Variants in C16orf96 observed in about 807,000 individuals in gnomAD.
C16orf96 encodes the protein uncharacterized protein C16orf96.
In C16orf96, 108 loss-of-function variants were observed where a neutral mutation model predicts 103.6. The ratio of observed to expected loss-of-function variants is 1.04; its 90% CI spans 0.89 to 1.22. C16orf96 has a LOEUF of 1.22. C16orf96 is among the 50% of genes most tolerant of loss of function. C16orf96 has a pLI of 0.00. For missense variants in C16orf96, 1,586 were observed against 1,464.2 expected (o/e 1.08, Z -1.36); for synonymous variants, 566 against 593.5 (o/e 0.95, Z 0.67).
intron 1 of C16orf96, among the ~76,000 whole-genome samples, chr16:4,566,496 A>G (rs1036209593): frequency 5.9e-5 from 9 of 152,126 alleles, no homozygotes; most frequent in African/African-American, 1.7e-4. Flanking sequence ...AGAAATGTCT[A>G]TTCAGATCTT....
rs1438443456 is a variant in C16orf96 at position 4,593,777 on chromosome 16, C to A, written c.2867+461C>A. On this transcript the variant is annotated intron_variant, in intron 12 of 15. Transcript: ENST00000444310. This position sits in a 1 kb window ranked among gnomAD's most constrained non-coding sequence, Gnocchi z 4.2. ...TGTATCCTGGTACCATCCCATGTCA[C>A]AGTTGAAGAAACTGAGGCTCAGAGA... Among the ~76,000 whole-genome samples the A allele has an allele frequency of 6.6e-6, 1 of 152,156 alleles. No individual in the cohort carries two copies. Among genetic ancestry groups the A allele is most frequent in the South Asian group, 2.1e-4 (1 of 4,828 alleles).
At chr16:4,562,359 A>G (rs983861602) in intron 1 of C16orf96, among the ~76,000 whole-genome samples, 3 of 151,764 alleles carry the variant, frequency 2.0e-5, no homozygotes, top group African/African-American at 7.3e-5. Context: ...CTGTAGTCCC[A>G]GGTACTCAGG....
the C16orf96 span, among the ~76,000 whole-genome samples, chr16:4,539,793 C>G: frequency 5.3e-4 from 80 of 152,252 alleles, 1 homozygote; most frequent in Admixed American, 3.9e-3. Flanking sequence ...TATTGTAAAA[C>G]CTAAGATTGG....
In C16orf96 at chr16:4,599,452, G is replaced by A. The variant is rs905520439; in HGVS notation, c.3208+88G>A. On this transcript the variant is annotated intron_variant, in intron 15 of 15. Coordinates refer to ENST00000444310, the MANE Select transcript of C16orf96 (RefSeq NM_001145011.2). ...CGTCTCATCCCATCCCCCACACCCC[G>A]CCTGGGCTCTCCTGTCCACCTCCTC... 73 of 1,179,834 alleles carry A rather than the reference G, an allele frequency of 6.2e-5. 1 individual carries two copies. Among genetic ancestry groups the A allele is most frequent in the Admixed American group, 1.8e-4 (9 of 49,908 alleles). 73.1% of individuals were successfully genotyped at this position (1,179,834 alleles called of 1,614,324 possible).
rs116990836 is a variant in C16orf96, at chr16:4,589,454, C to A, written c.2592+1123C>A. On this transcript the variant is annotated intron_variant, in intron 9 of 15. Coordinates refer to ENST00000444310, the MANE Select transcript of C16orf96 (RefSeq NM_001145011.2). ...AAAAGCCAGGTGTGGTGGCACATAC[C>A]TGCATTTCCAACTACTCAGGAGGCT... Among the ~76,000 whole-genome samples, 706 of 151,522 alleles carry A rather than the reference C, an allele frequency of 4.7e-3. 4 individuals are homozygous for A. Among genetic ancestry groups the A allele is most frequent in the Non-Finnish European group, 8.2e-3 (554 of 67,912 alleles).
At chr16:4,555,346 C>T (rs1392537110), upstream of C16orf96, among the ~76,000 whole-genome samples, 3 of 151,072 alleles carry the variant, frequency 2.0e-5, no homozygotes, top group Non-Finnish European at 4.4e-5. Context: ...CCTTTGGATG[C>T]GTCCAGAAAT....
chr16:4,564,494 G>C (rs554175630), intron 1 of C16orf96, among the ~76,000 whole-genome samples: 1 of 152,252 alleles, frequency 6.6e-6, no homozygotes, highest in African/African-American at 2.4e-5. Context: ...TATTGTACAG[G>C]TTAAAATGAT....
intron 7 of C16orf96, among the ~76,000 whole-genome samples, chr16:4,586,209 G>T (rs532520043): frequency 6.6e-6 from 1 of 152,162 alleles, no homozygotes; most frequent in African/African-American, 2.4e-5. Context: ...GCAGTGAGCC[G>T]AAATGGCGCC....
At chr16:4,547,685 CTTCCTTCTTTCT>C in the C16orf96 span, among the ~76,000 whole-genome samples, 349 of 107,726 alleles carry the variant, frequency 3.2e-3, no homozygotes, top group East Asian at 5.0e-3. Context: ...TCCTTCCTTC[CTTCCTTCTTTCT>C]TTCTTTCTTT....
At position 4,574,080 on chromosome 16, in the gene C16orf96, G is replaced by A. The variant is rs554179401; in HGVS notation, c.526-629G>A. Among the ~76,000 whole-genome samples, 107 of 152,184 alleles carry A rather than the reference G, an allele frequency of 7.0e-4. 1 individual carries two copies. The highest frequency in any genetic ancestry group is 1.2e-3 in the Non-Finnish European group (79 of 67,998). ...GAACTCCTGAACTCATGATCCACCC[G>A]CCTCAGCATCCCAAAGTGCTGGGAT... On this transcript the variant is annotated intron_variant, in intron 2 of 15. Coordinates refer to ENST00000444310, the MANE Select transcript of C16orf96 (RefSeq NM_001145011.2).
upstream of C16orf96, among the ~76,000 whole-genome samples, chr16:4,554,467 C>T (rs943471162): frequency 2.0e-5 from 3 of 151,890 alleles, no homozygotes; most frequent in Admixed American, 2.0e-4. Context: ...TCTTCTGCCT[C>T]AGCCTCCCGA....
intron 2 of C16orf96, among the ~76,000 whole-genome samples, chr16:4,573,344 C>T (rs1309029946): frequency 6.7e-6 from 1 of 149,724 alleles, no homozygotes; most frequent in Non-Finnish European, 1.5e-5. Flanking sequence ...GAGGCTGAGG[C>T]ACGAGAATCA....
At position 4,578,988 on chromosome 16, in the gene C16orf96, A is replaced by AG; in HGVS notation, c.2205dup (p.Lys736GlufsTer10). 2 of 1,551,514 alleles carry AG rather than the reference A, an allele frequency of 1.3e-6. No individual in the cohort carries two copies. Among genetic ancestry groups the AG allele is most frequent in the Non-Finnish European group, 1.7e-6 (2 of 1,146,918 alleles). On this transcript the variant is annotated frameshift_variant, in exon 6 of 16. Transcript: ENST00000444310. LOFTEE classifies it high-confidence loss of function. ...CTCGGGACAACAGTGGACATATTGC[A>AG]GAAAAAGATTGGCAGCCTCCAGAAA...
the C16orf96 span, among the ~76,000 whole-genome samples, chr16:4,542,832 T>C: frequency 1.3e-5 from 2 of 152,210 alleles, no homozygotes; most frequent in African/African-American, 4.8e-5. Flanking sequence ...TTTACTCTTT[T>C]TTCACACTGT....
chr16:4,575,783 C>T lies in C16orf96; in HGVS notation c.1303C>T (p.Pro435Ser), dbSNP rs1387647689. 3.9e-6 allele frequency: 6 copies of T among 1,550,498 alleles called. No homozygotes were observed. The South Asian group carries it at 6.0e-5, about 15-fold the overall frequency. Residue 435 changes from proline (P) to serine (S), a missense_variant, in exon 5 of 16, where the codon CCT becomes TCT. Pro to Ser is a moderately conservative substitution (Grantham distance 74). Coordinates refer to ENST00000444310, the MANE Select transcript of C16orf96 (RefSeq NM_001145011.2). ...AGCCACTGAGTTTGGCTCATTGTGG[C>T]CTCGACCACTCCAGCCATATCAGTC... is the stretch of plus-strand genomic sequence containing the variant. ...PPATEFGSLW[P>S]RPLQPYQSRQ...
chr16:4,545,013 G>A, the C16orf96 span, among the ~76,000 whole-genome samples: 1 of 152,150 alleles, frequency 6.6e-6, no homozygotes, highest in East Asian at 1.9e-4. Context: ...ACACGAATAT[G>A]CATAGCAGGT....
intron 14 of C16orf96, among the ~76,000 whole-genome samples, chr16:4,598,939 G>T (rs1416526860): frequency 2.0e-5 from 3 of 152,024 alleles, no homozygotes; most frequent in African/African-American, 7.2e-5. Flanking sequence ...GCAACATAGC[G>T]AGACCTCCTC....
chr16:4,543,424 G>A, the C16orf96 span, among the ~76,000 whole-genome samples: 4 of 152,110 alleles, frequency 2.6e-5, no homozygotes, highest in Admixed American at 2.6e-4. Context: ...TAGGTAGTGG[G>A]TGATGTAATG....
At chr16:4,564,678 G>C (rs895471666) in intron 1 of C16orf96, among the ~76,000 whole-genome samples, 1 of 152,142 alleles carries the variant, frequency 6.6e-6, no homozygotes, top group African/African-American at 2.4e-5. Flanking sequence ...GGGCATGGTG[G>C]TGCGTGCCTG....
Sources: gnomAD v4.1 joint callset for allele counts (sites outside exome capture counted in the v4.1 genomes callset) on GRCh38, gnomAD v4.1.1 for gene constraint, Gnocchi (gnomAD v3.1) non-coding constraint, MANE v1.5 for transcripts, NCBI Gene and HGNC (gene_info 2026-07-23, HGNC 2026-07-21) for gene names.